Variants in APH1A observed in about 807,000 individuals in gnomAD.
APH1A encodes the protein aph-1A gamma-secretase subunit, also known as gamma-secretase subunit APH-1A.
In APH1A, 16 loss-of-function variants were observed where a neutral mutation model predicts 30.3. That is an observed-to-expected ratio of 0.53 (90% CI 0.36 to 0.80). The LOEUF is 0.80. Among genes scored for constraint, APH1A ranks in the 30% least tolerant of loss-of-function variants. APH1A has a pLI of 0.01. For synonymous variants in APH1A, 144 were observed against 140.1 expected (o/e 1.03, Z -0.20); for missense variants, 245 against 337.8 (o/e 0.73, Z 2.15).
Position 150,266,642 on chromosome 1 carries a change from G to C in APH1A, c.624C>G (p.Pro208=). 1 of 1,613,984 alleles carries C rather than the reference G, an allele frequency of 6.2e-7. No individual in the cohort carries two copies. The highest frequency in any genetic ancestry group is 8.5e-7 in the Non-Finnish European group (1 of 1,179,942). The change falls in exon 6 of 7, where the codon CCC becomes CCG. Residue 208 remains proline (P), a synonymous_variant. Coordinates refer to ENST00000369109, the MANE Select transcript of APH1A (RefSeq NM_001077628.3). ...LLTSGLTFLN[P]WYEASLLPIY... ...TGGGCAGCAGGCTGGCCTCATACCAGGGGTTCAGGAATGTCTAGGAAGGAG... is the reference window on the plus strand; with the variant it reads ...TGGGCAGCAGGCTGGCCTCATACCACGGGTTCAGGAATGTCTAGGAAGGAG...
chr1:150,268,738 C>T lies in APH1A; in HGVS notation c.73G>A (p.Val25Met), dbSNP rs782313192. 1 of 1,613,808 alleles carries T rather than the reference C, an allele frequency of 6.2e-7. No homozygotes were observed. The highest frequency in any genetic ancestry group is 1.7e-5 in the Admixed American group (1 of 59,976). ...ATAACGCGAAGCGGGTCCCCAGCCA[C>T]AGTGATCAAGAAAAGCGCGAAGGCC... is the stretch of plus-strand genomic sequence containing the variant. ...GPAFALFLIT[V>M]AGDPLRVIIL... Residue 25 changes from valine (V) to methionine (M), a missense_variant, in exon 1 of 7, where the codon GTG becomes ATG. Coordinates refer to ENST00000369109, the MANE Select transcript of APH1A (RefSeq NM_001077628.3).
At chr1:150,267,623 T>C (rs1651841936) in intron 3 of APH1A, 93 bp downstream of exon 3, 2 of 1,572,792 alleles carry the variant, frequency 1.3e-6, no homozygotes, top group South Asian at 2.3e-5. Context: ...TGAAGGAAAG[T>C]AAGAAGCCAC....
chr1:150,268,075 A>C lies in APH1A; in HGVS notation c.166T>G (p.Leu56Val). 1.2e-6 allele frequency: 2 copies of C among 1,614,198 alleles called. No homozygotes were observed. Among genetic ancestry groups the C allele is most frequent in the Non-Finnish European group, 1.7e-6 (2 of 1,180,032 alleles). The change falls in exon 2 of 7, where the codon TTG (leucine) becomes GTG (valine). Residue 56 changes from leucine to valine, a missense_variant. By Grantham distance (32) the Leu-to-Val change is conservative. Transcript: ENST00000369109. Reference protein sequence around the residue: ...LLLASVVWFILVHVTDRSDAR... With the variant: ...LLLASVVWFIVVHVTDRSDAR... The stretch of plus-strand genomic sequence containing the variant: ...TCTGACCGGTCGGTCACATGGACCA[A>C]GATGAACCAGACCACAGAGGCCAGG...
chr1:150,267,519 T>C, intron 3 of APH1A, 41 bp from the exon 4 acceptor site: 1 of 1,610,564 alleles, frequency 6.2e-7, no homozygotes, highest in Non-Finnish European at 8.5e-7. Flanking sequence ...GAGATCACAC[T>C]ATTGCCTGTT....
chr1:150,267,933 C>T, intron 2 of APH1A, 24 bp downstream of exon 2: 1 of 1,613,900 alleles, frequency 6.2e-7, no homozygotes, highest in Non-Finnish European at 8.5e-7. Context: ...CCCCTCTCCC[C>T]TCCAGACCAC....
In APH1A at chr1:150,268,124, T is replaced by C; in HGVS notation, c.117A>G (p.Ala39=). The C allele has an allele frequency of 1.2e-6, 2 of 1,613,080 alleles. No homozygotes were observed. Among genetic ancestry groups the C allele is most frequent in the Non-Finnish European group, 1.7e-6 (2 of 1,179,726 alleles). ...GGAGCAGGGAGACCAGCCAGAAAAATGCCCTGAGAAAAGACAGGGGCAGTG... is the reference window on the plus strand; with the variant it reads ...GGAGCAGGGAGACCAGCCAGAAAAACGCCCTGAGAAAAGACAGGGGCAGTG... The part of the protein sequence containing the change: ...PLRVIILVAG[A]FFWLVSLLLA... Residue 39 remains alanine, a synonymous_variant, in exon 2 of 7, where the codon GCA becomes GCG. Coordinates refer to ENST00000369109, the MANE Select transcript of APH1A (RefSeq NM_001077628.3).
At position 150,268,957 on chromosome 1, in the gene APH1A, G is replaced by C; in HGVS notation, c.-147C>G. 3.1e-6 allele frequency: 2 copies of C among 643,988 alleles called. No homozygotes were observed. Among genetic ancestry groups the C allele is most frequent in the South Asian group, 3.9e-5 (2 of 51,464 alleles). 39.9% of individuals were successfully genotyped at this position (643,988 alleles called of 1,614,324 possible). On this transcript the variant is annotated 5_prime_UTR_variant, in exon 1 of 7. Transcript: ENST00000369109. ...ACCCCCAGACCCCGGGGAAGGGGAA[G>C]GGGGGGAACCGAAACCCCAAATGAA...
chr1:150,266,344 C>G, intron 6 of APH1A, 150 bp from the exon 7 acceptor site: 1 of 1,484,038 alleles, frequency 6.7e-7, no homozygotes. Flanking sequence ...ACCCAGGCTG[C>G]TCCTGGTAAA....
intron 1 of APH1A, 56 bp downstream of exon 1, chr1:150,268,642 C>G (rs1458941673): frequency 1.3e-6 from 2 of 1,532,062 alleles, no homozygotes; most frequent in South Asian, 1.2e-5. Context: ...TTCCTCCAGC[C>G]CCTTCCGCAC....
At position 150,266,202 on chromosome 1, in the gene APH1A, G is replaced by A. The variant is rs1243218733; in HGVS notation, c.734-8C>T. On this transcript the variant is annotated splice_region_variant and splice_polypyrimidine_tract_variant and intron_variant, in intron 6 of 6. Transcript: ENST00000369109. ...TGTCCTCCTGCCGTCGGCCTGCAGA[G>A]GGGAAGGGAGGTGAGTCTTGGGCAG... 3 of 1,595,266 alleles carry A rather than the reference G, an allele frequency of 1.9e-6. No individual in the cohort carries two copies. Among genetic ancestry groups the A allele is most frequent in the Non-Finnish European group, 2.6e-6 (3 of 1,170,976 alleles).
Position 150,266,051 on chromosome 1 carries a change from T to C in APH1A, c.*79A>G, listed in dbSNP as rs1009295416. ...TCCCTTTTCTTGGCAACCTGCACTG[T>C]CCAGAACTGGAGATGGAGAAATACA... On this transcript the variant is annotated 3_prime_UTR_variant, in exon 7 of 7. Coordinates refer to ENST00000369109, the MANE Select transcript of APH1A (RefSeq NM_001077628.3). The C allele has an allele frequency of 6.6e-6, 10 of 1,519,186 alleles. No individual in the cohort carries two copies. In the African/African-American group the frequency reaches 1.4e-4, roughly 21 times the overall value. The allele number at this position is 1,519,186 out of a possible 1,614,324, so 94.1% of individuals were successfully genotyped here.
chr1:150,268,495 G>A, intron 1 of APH1A: 1 of 615,238 alleles, frequency 1.6e-6, no homozygotes, highest in East Asian at 2.9e-5. Context: ...GAGGAATATA[G>A]GAGGAATCTG....
rs1651878474 is a variant in APH1A, at chr1:150,267,966, T to C, written c.275A>G (p.Lys92Arg). 6.8e-6 allele frequency: 11 copies of C among 1,613,978 alleles called. No individual in the cohort carries two copies. Among genetic ancestry groups the C allele is most frequent in the African/African-American group, 1.3e-5 (1 of 74,910 alleles). ...CACTCCATCTTCTTACTTAAGCAGC[T>C]TGTAGTAGGCAAAGCGGAACACCTC... ...LQEVFRFAYY[K>R]LLKKADEGLA... The change falls in exon 2 of 7, where the codon AAG becomes AGG. Residue 92 changes from lysine (K) to arginine (R), a missense_variant. By Grantham distance (26) the Lys-to-Arg change is conservative. Transcript: ENST00000369109.
intron 1 of APH1A, chr1:150,268,357 G>A: frequency 1.6e-6 from 1 of 624,356 alleles, no homozygotes; most frequent in Non-Finnish European, 2.7e-6. Context: ...ATGACAGCCA[G>A]AGTGTGCGAG....
chr1:150,267,524 C>T (rs1553850186), intron 3 of APH1A, 46 bp from the exon 4 acceptor site: 2 of 1,609,106 alleles, frequency 1.2e-6, no homozygotes, highest in African/African-American at 1.3e-5. Flanking sequence ...CACACTATTG[C>T]CTGTTCACCA....
chr1:150,266,638 A>T lies in APH1A; in HGVS notation c.628T>A (p.Tyr210Asn). The T allele has an allele frequency of 6.2e-7, 1 of 1,614,024 alleles. No individual in the cohort carries two copies. Among genetic ancestry groups the T allele is most frequent in the East Asian group, 2.2e-5 (1 of 44,874 alleles). ...TSGLTFLNPW[Y>N]EASLLPIYAV... ...TAGATGGGCAGCAGGCTGGCCTCAT[A>T]CCAGGGGTTCAGGAATGTCTAGGAA... Residue 210 changes from tyrosine to asparagine, a missense_variant, in exon 6 of 7, where the codon TAT (tyrosine) becomes AAT (asparagine). By Grantham distance (143) the Tyr-to-Asn change is moderately radical. Transcript: ENST00000369109.
In APH1A at chr1:150,266,599, A is replaced by G; in HGVS notation, c.667T>C (p.Ser223Pro). ...SLLPIYAVTV[S>P]MGLWAFITAG... ...GTGATGAAGGCCCAGAGCCCCATGG[A>G]AACAGTGACTGCATAGATGGGCAGC... The change falls in exon 6 of 7, where the codon TCC becomes CCC. Residue 223 changes from serine (S) to proline (P), a missense_variant. By Grantham distance (74) the Ser-to-Pro change is moderately conservative. Coordinates refer to ENST00000369109, the MANE Select transcript of APH1A (RefSeq NM_001077628.3). The G allele has an allele frequency of 6.2e-7, 1 of 1,614,064 alleles. No individual in the cohort carries two copies. Among genetic ancestry groups the G allele is most frequent in the East Asian group, 2.2e-5 (1 of 44,872 alleles).
chr1:150,267,411 A>G lies in APH1A; in HGVS notation c.426T>C (p.Leu142=). The change falls in exon 4 of 7, where the codon CTT becomes CTC. Residue 142 remains leucine (L), a synonymous_variant. Transcript: ENST00000369109. ...CATGGATCCCAACCACACCTGGCCC[A>G]AGTGCATCAGCCAAAATATTGATAA... The part of the protein sequence containing the change: ...FSVINILADA[L]GPGVVGIHGD... 3 of 1,614,182 alleles carry G rather than the reference A, an allele frequency of 1.9e-6. No homozygotes were observed. The highest frequency in any genetic ancestry group is 2.5e-6 in the Non-Finnish European group (3 of 1,180,038).
chr1:150,267,553 C>T (rs1651836630), intron 3 of APH1A, 75 bp from the exon 4 acceptor site: 28 of 1,592,496 alleles, frequency 1.8e-5, no homozygotes, highest in African/African-American at 2.7e-5. Context: ...TCCCCATTCC[C>T]GGTTACAATT....
Sources: gnomAD v4.1 joint callset for allele counts on GRCh38, gnomAD v4.1.1 for gene constraint, MANE v1.5 for transcripts, NCBI Gene and HGNC (gene_info 2026-07-23, HGNC 2026-07-21) for gene names.